The following PIEZO2 variants were observed in gnomAD, a reference collection of about 807,000 sequenced individuals.
The protein encoded by PIEZO2 is piezo-type mechanosensitive ion channel component 2.
A neutral mutation model predicts 337.3 loss-of-function variants in PIEZO2; 172 were observed. The observed-to-expected ratio is 0.51, with a 90% CI of 0.45 to 0.58. The LOEUF is 0.58. Ranked by LOEUF, PIEZO2 falls within the 20% of genes least tolerant of loss-of-function variation. The probability of loss-of-function intolerance (pLI) is 0.00; values close to 1 mark genes in which losing one functional copy is unlikely to be tolerated. For synonymous variants in PIEZO2, 1,251 were observed against 1,228.5 expected, an observed-to-expected ratio of 1.02 and a Z score of -0.38; for missense variants, 3,028 against 3,391.3, an observed-to-expected ratio of 0.89 and a Z score of 2.66.
chr18:10,858,303 C>A (rs1598592569), intron 5 of PIEZO2, among the ~76,000 whole-genome samples: 1 of 108,252 alleles, frequency 9.2e-6, no homozygotes, highest in African/African-American at 3.6e-5. Flanking sequence ...AGCCTGGCGA[C>A]AGAGCGAGAC....
At chr18:11,054,133 T>G (rs1179633659) in intron 2 of PIEZO2, among the ~76,000 whole-genome samples, 1 of 152,234 alleles carries the variant, frequency 6.6e-6, no homozygotes, top group East Asian at 1.9e-4. Context: ...CAGGACAATC[T>G]CAATCCTAAT....
intron 20 of PIEZO2, among the ~76,000 whole-genome samples, chr18:10,771,732 A>C (rs1003486081): frequency 6.6e-6 from 1 of 152,266 alleles, no homozygotes; most frequent in Admixed American, 6.5e-5. Flanking sequence ...TCCAGAAATG[A>C]TTCAGAAGTC....
chr18:10,981,439 T>C (rs2034663233), intron 2 of PIEZO2, among the ~76,000 whole-genome samples: 1 of 152,226 alleles, frequency 6.6e-6, no homozygotes, highest in Non-Finnish European at 1.5e-5. Flanking sequence ...TCAATTAATG[T>C]AATTCACCGT....
At position 10,671,788 on chromosome 18, in the gene PIEZO2, A is replaced by C. The variant is rs1038956841; in HGVS notation, c.8346-9T>G. 2 of 1,595,808 alleles carry C rather than the reference A, an allele frequency of 1.3e-6. No homozygotes were observed. Among genetic ancestry groups the C allele is most frequent in the African/African-American group, 1.3e-5 (1 of 74,182 alleles). ...CATATAATCCCATAATACTGAAAAAAACAGTAAGTAGAAATTGCATACAGC... is the reference window on the plus strand; with the variant it reads ...CATATAATCCCATAATACTGAAAAACACAGTAAGTAGAAATTGCATACAGC... On this transcript the variant is annotated splice_polypyrimidine_tract_variant and intron_variant, in intron 55 of 55. Coordinates refer to ENST00000674853, the MANE Select transcript of PIEZO2 (RefSeq NM_001378183.1).
intron 2 of PIEZO2, among the ~76,000 whole-genome samples, chr18:10,981,649 G>T (rs191098210): frequency 3.0e-4 from 45 of 152,316 alleles, no homozygotes; most frequent in African/African-American, 1.0e-3. Flanking sequence ...TCCTGAGCGT[G>T]TCTGTGAGAA....
intron 1 of PIEZO2, among the ~76,000 whole-genome samples, chr18:11,090,190 T>C (rs2039033605): frequency 6.6e-6 from 1 of 152,044 alleles, no homozygotes; most frequent in Non-Finnish European, 1.5e-5. Context: ...TGCCTTTTCC[T>C]GGAACAAAAC....
intron 7 of PIEZO2, among the ~76,000 whole-genome samples, chr18:10,814,097 A>G (rs2040283380): frequency 1.3e-5 from 2 of 151,576 alleles, no homozygotes; most frequent in Admixed American, 6.6e-5. Flanking sequence ...CCTCCCAAGT[A>G]GCTGGGACTA....
intron 7 of PIEZO2, among the ~76,000 whole-genome samples, chr18:10,848,438 T>C (rs1344183612): frequency 1.3e-5 from 2 of 152,240 alleles, no homozygotes; most frequent in African/African-American, 4.8e-5. Context: ...CGTGAGCTTT[T>C]CCTTCACTAA....
rs2043091896 is a variant in PIEZO2, at chr18:10,903,175, A to G, written c.329+8011T>C. On this transcript the variant is annotated intron_variant, in intron 4 of 55. Transcript: ENST00000674853. This position sits in a 1 kb window ranked among gnomAD's most constrained non-coding sequence, Gnocchi z 4.1. ...TCTACTTACCTAAAATGCGTTTGGC[A>G]TACATCTGCATGTCACACTCACACT... is the stretch of plus-strand genomic sequence containing the variant. 6.6e-6 allele frequency among the ~76,000 whole-genome samples: 1 copy of G among 152,192 alleles called. No homozygotes were observed. Among genetic ancestry groups the G allele is most frequent in the African/African-American group, 2.4e-5 (1 of 41,440 alleles).
At chr18:10,972,927 A>G (rs1361458623) in intron 3 of PIEZO2, among the ~76,000 whole-genome samples, 1 of 152,184 alleles carries the variant, frequency 6.6e-6, no homozygotes, top group African/African-American at 2.4e-5. Flanking sequence ...ACAAAAACCT[A>G]TGAGATGATA....
intron 9 of PIEZO2, among the ~76,000 whole-genome samples, chr18:10,801,882 C>T (rs1013817482): frequency 2.6e-5 from 4 of 151,924 alleles, no homozygotes; most frequent in South Asian, 2.1e-4. Flanking sequence ...GCCAGGGGAT[C>T]GAGACCATCC....
intron 2 of PIEZO2, among the ~76,000 whole-genome samples, chr18:11,063,169 A>T (rs1299776134): frequency 6.6e-6 from 1 of 151,888 alleles, no homozygotes; most frequent in Non-Finnish European, 1.5e-5. Context: ...TTCTCAGCAA[A>T]CTATCACAAG....
intron 2 of PIEZO2, among the ~76,000 whole-genome samples, chr18:11,012,040 G>A (rs1326451863): frequency 6.6e-6 from 1 of 151,714 alleles, no homozygotes; most frequent in Non-Finnish European, 1.5e-5. Context: ...GGTCACCAAT[G>A]GTGTTTATTG....
intron 11 of PIEZO2, among the ~76,000 whole-genome samples, chr18:10,800,061 T>C (rs780975371): frequency 1.8e-4 from 28 of 151,980 alleles, no homozygotes; most frequent in Non-Finnish European, 3.7e-4. Context: ...AACATATGTA[T>C]AGATGCTATA....
intron 1 of PIEZO2, among the ~76,000 whole-genome samples, chr18:11,114,238 A>T (rs2039820222): frequency 6.6e-6 from 1 of 152,152 alleles, no homozygotes; most frequent in South Asian, 2.1e-4. Flanking sequence ...GACACTCAAG[A>T]CTCTCAGAAA....
rs1024238543 is a variant in PIEZO2, at chr18:10,741,096, G to T, written c.4643C>A (p.Ala1548Glu). ...KLSEEDDERE[A>E]DKQKAKGKKK... ...TTTGCCCTTGGCTTTCTGTTTGTCT[G>T]CTTCTCCTAAAATAAAATACGTCCA... Residue 1548 changes from alanine (A) to glutamate (E), a missense_variant, in exon 33 of 56, where the codon GCA (alanine) becomes GAA (glutamate). Transcript: ENST00000674853. 2 of 1,535,002 alleles carry T rather than the reference G, an allele frequency of 1.3e-6. No individual in the cohort carries two copies. Among genetic ancestry groups the T allele is most frequent in the East Asian group, 2.4e-5 (1 of 40,894 alleles).
At chr18:11,058,853 C>T (rs374509643) in intron 2 of PIEZO2, among the ~76,000 whole-genome samples, 1 of 152,178 alleles carries the variant, frequency 6.6e-6, no homozygotes, top group Non-Finnish European at 1.5e-5. Context: ...TACAGAAGAA[C>T]TTCCCCAATC....
chr18:11,064,197 A>G (rs1297412262), intron 2 of PIEZO2, among the ~76,000 whole-genome samples: 1 of 152,194 alleles, frequency 6.6e-6, no homozygotes, highest in Non-Finnish European at 1.5e-5. Flanking sequence ...TTCTGCCTAC[A>G]TGTTCAGAAA....
intron 26 of PIEZO2, 77 bp from the exon 27 acceptor site, chr18:10,758,211 C>T: frequency 2.1e-6 from 3 of 1,405,618 alleles, no homozygotes; most frequent in Non-Finnish European, 1.9e-6. Context: ...AGTCATCACA[C>T]AGCAACAGCC....
Sources: allele counts gnomAD v4.1 joint callset (sites outside exome capture counted in the v4.1 genomes callset), GRCh38; gene constraint gnomAD v4.1.1; non-coding constraint Gnocchi (gnomAD v3.1); transcripts MANE v1.5; gene names NCBI Gene and HGNC (gene_info 2026-07-23, HGNC 2026-07-21).